The following MKLN1 variants were observed in gnomAD, a reference collection of about 807,000 sequenced individuals.
MKLN1 encodes muskelin.
MKLN1 carries 18 observed loss-of-function variants against 99.0 expected under a neutral mutation model. That is an observed-to-expected ratio of 0.18 (90% CI 0.13 to 0.27). The LOEUF is 0.27. Among genes scored for constraint, MKLN1 ranks in the 10% least tolerant of loss-of-function variants. MKLN1 has a pLI of 1.00. For missense variants in MKLN1, 621 were observed against 875.9 expected (o/e 0.71, Z 3.67); for synonymous variants, 288 against 293.2 (o/e 0.98, Z 0.18).
At chr7:131,484,737 GGTATA>G (rs1797226145) in intron 17 of MKLN1, among the ~76,000 whole-genome samples, 1 of 152,112 alleles carries the variant, frequency 6.6e-6, no homozygotes. Context: ...CTTTCAGTGA[GGTATA>G]GTCTACAAAC....
chr7:131,134,916 C>T (rs1174613959), intron 1 of MKLN1, among the ~76,000 whole-genome samples: 1 of 152,178 alleles, frequency 6.6e-6, no homozygotes, highest in African/African-American at 2.4e-5. Flanking sequence ...TAGCTGTAAT[C>T]AAGGTTCCTC....
chr7:131,153,803 C>A lies in MKLN1; in HGVS notation c.-297+10862C>A, dbSNP rs147280651. On this transcript the variant is annotated intron_variant, in intron 2 of 7. Transcript: ENST00000416992. The stretch of plus-strand genomic sequence containing the variant: ...TCAGCTTCCTGAGTAGCTAGGATTA[C>A]AGGCGTGCACCACCATGCTTAGCTA... 5.9e-3 allele frequency among the ~76,000 whole-genome samples: 895 copies of A among 151,758 alleles called. 3 individuals carry two copies. The highest frequency in any genetic ancestry group is 8.5e-3 in the Non-Finnish European group (580 of 67,964).
chr7:131,267,767 A>G (rs76481102), intron 3 of MKLN1, among the ~76,000 whole-genome samples: 4,916 of 152,274 alleles, frequency 0.032, 289 homozygotes, highest in African/African-American at 0.11. Flanking sequence ...TAATACCCAG[A>G]GGCTACTTGA....
intron 3 of MKLN1, among the ~76,000 whole-genome samples, chr7:131,206,914 A>G (rs947479391): frequency 1.3e-5 from 2 of 152,122 alleles, no homozygotes; most frequent in African/African-American, 4.8e-5. Flanking sequence ...TTAATGCATG[A>G]TTTAAAATGT....
chr7:131,328,146 T>C, intron 1 of MKLN1, 149 bp downstream of exon 1: 1 of 971,634 alleles, frequency 1.0e-6, no homozygotes, highest in Non-Finnish European at 1.5e-6. Flanking sequence ...GTTCAGCTGC[T>C]GAGAGCGTTG....
At chr7:131,297,462 A>T (rs1194771511) in intron 3 of MKLN1, among the ~76,000 whole-genome samples, 2 of 151,812 alleles carry the variant, frequency 1.3e-5, no homozygotes, top group African/African-American at 4.8e-5. Context: ...GTATTTGCAG[A>T]TACAAAGCCC....
chr7:131,298,016 G>C (rs777836960), intron 3 of MKLN1, among the ~76,000 whole-genome samples: 14 of 152,214 alleles, frequency 9.2e-5, no homozygotes, highest in Admixed American at 7.9e-4. Flanking sequence ...GGGCGCGGTG[G>C]CTCACGCCTG....
At chr7:131,164,757 CAGAG>C (rs1435738997) in intron 2 of MKLN1, among the ~76,000 whole-genome samples, 3 of 152,214 alleles carry the variant, frequency 2.0e-5, no homozygotes, top group Non-Finnish European at 4.4e-5. Context: ...AGAAGGAAGA[CAGAG>C]AGAGAATGGT....
intron 2 of MKLN1, among the ~76,000 whole-genome samples, chr7:131,160,072 T>C (rs747459168): frequency 2.6e-5 from 4 of 152,088 alleles, no homozygotes; most frequent in African/African-American, 7.2e-5. Flanking sequence ...GTAGAGTCAC[T>C]CTCAATTCTC....
chr7:131,136,970 T>C (rs58442521), intron 1 of MKLN1, among the ~76,000 whole-genome samples: 20,998 of 152,190 alleles, frequency 0.14, 1,694 homozygotes, highest in East Asian at 0.3. Context: ...TGTGAGTTTC[T>C]TGAAGCCTGT....
intron 1 of MKLN1, among the ~76,000 whole-genome samples, chr7:131,366,540 G>A (rs1022957929): frequency 1.3e-5 from 2 of 152,100 alleles, no homozygotes; most frequent in African/African-American, 4.8e-5. Flanking sequence ...GCTGGGTGTG[G>A]TGGCTCATGC....
chr7:131,181,041 G>A (rs1796371193), intron 2 of MKLN1, among the ~76,000 whole-genome samples: 1 of 152,126 alleles, frequency 6.6e-6, no homozygotes, highest in South Asian at 2.1e-4. Context: ...TATTTTGGGG[G>A]TAAATTGACA....
chr7:131,221,124 T>C (rs182565063), intron 3 of MKLN1, among the ~76,000 whole-genome samples: 1 of 152,356 alleles, frequency 6.6e-6, no homozygotes, highest in African/African-American at 2.4e-5. Context: ...TAGCTTTTCC[T>C]TGTGTTCTGT....
At chr7:131,337,804 T>C (rs1370148266) in intron 1 of MKLN1, among the ~76,000 whole-genome samples, 1 of 151,474 alleles carries the variant, frequency 6.6e-6, no homozygotes, top group East Asian at 1.9e-4. Flanking sequence ...TACATGTGGA[T>C]AATAACATAA....
chr7:131,227,509 C>CTTTCTTTCTTTCTTTCTTTT, intron 3 of MKLN1, among the ~76,000 whole-genome samples: 1 of 134,058 alleles, frequency 7.5e-6, no homozygotes, highest in African/African-American at 2.8e-5. Context: ...TTCTTTCTTT[C>CTTTCTTTCTTTCTTTCTTTT]TTTCTTTCTT....
chr7:131,125,523 G>T (rs1440545740), intron 1 of MKLN1, among the ~76,000 whole-genome samples: 1 of 152,138 alleles, frequency 6.6e-6, no homozygotes, highest in East Asian at 1.9e-4. Flanking sequence ...CATATGATTG[G>T]AAGTGTACAT....
chr7:131,487,883 T>A lies in MKLN1; in HGVS notation c.*155T>A. The A allele has an allele frequency of 1.3e-6, 1 of 788,198 alleles. No individual in the cohort carries two copies. The highest frequency in any genetic ancestry group is 1.8e-5 in the African/African-American group (1 of 55,842). 48.8% of individuals were successfully genotyped at this position (788,198 alleles called of 1,614,324 possible). The stretch of plus-strand genomic sequence containing the variant: ...CATCACAAGTTTTTACCCTCTTCCT[T>A]CATGCCTGACCTCAACCCCGCTCTC... On this transcript the variant is annotated 3_prime_UTR_variant, in exon 18 of 18. Coordinates refer to ENST00000352689, the MANE Select transcript of MKLN1 (RefSeq NM_013255.5). This position sits in a 1 kb window ranked among gnomAD's most constrained non-coding sequence, Gnocchi z 4.7.
intron 12 of MKLN1, among the ~76,000 whole-genome samples, chr7:131,459,531 G>A (rs980604646): frequency 1.6e-4 from 24 of 152,184 alleles, no homozygotes; most frequent in African/African-American, 5.8e-4. Flanking sequence ...AGGCCTTCCA[G>A]TGTTCTTTAG....
intron 14 of MKLN1, among the ~76,000 whole-genome samples, chr7:131,465,082 C>G (rs1272569584): frequency 6.8e-6 from 1 of 147,142 alleles, no homozygotes; most frequent in Non-Finnish European, 1.5e-5. Flanking sequence ...AGTAAAAGCC[C>G]TTTCTTTTAT....
Sources: gnomAD v4.1 joint callset for allele counts (sites outside exome capture counted in the v4.1 genomes callset) on GRCh38, gnomAD v4.1.1 for gene constraint, Gnocchi (gnomAD v3.1) non-coding constraint, MANE v1.5 for transcripts, NCBI Gene and HGNC (gene_info 2026-07-23, HGNC 2026-07-21) for gene names.